The following TMPRSS2 variants were observed in gnomAD, a reference collection of about 807,000 sequenced individuals.
TMPRSS2 encodes the protein transmembrane protease serine 2.
TMPRSS2 carries 59 observed loss-of-function variants against 67.4 expected under a neutral mutation model. That is an observed-to-expected ratio of 0.88 (90% CI 0.71 to 1.09). The LOEUF is 1.09. TMPRSS2 is among the 50% of genes least tolerant of loss of function. The probability of loss-of-function intolerance (pLI) is 0.00; values close to 1 mark genes in which losing one functional copy is unlikely to be tolerated. For synonymous variants in TMPRSS2, 257 were observed against 257.0 expected (o/e 1.00, Z 0.00); for missense variants, 668 against 642.7 (o/e 1.04, Z -0.43).
At chr21:41,475,836 C>T (rs374510753) in intron 8 of TMPRSS2, among the ~76,000 whole-genome samples, 3 of 151,830 alleles carry the variant, frequency 2.0e-5, no homozygotes, top group South Asian at 2.1e-4. Context: ...GAGGGCAGGG[C>T]GGGTGCCACG....
chr21:41,467,964 G>A, intron 12 of TMPRSS2, 78 bp from the exon 13 acceptor site: 2 of 1,551,306 alleles, frequency 1.3e-6, no homozygotes, highest in East Asian at 2.2e-5. Context: ...GCCTAGAGGA[G>A]TTGGGGGGCG....
In TMPRSS2 at chr21:41,494,384, T is replaced by A. The variant is rs750018817; in HGVS notation, c.210A>T (p.Lys70Asn). 1 of 1,609,690 alleles carries A rather than the reference T, an allele frequency of 6.2e-7. No individual in the cohort carries two copies. Among genetic ancestry groups the A allele is most frequent in the South Asian group, 1.1e-5 (1 of 90,198 alleles). Reference sequence around the variant, plus strand: ...AGGTGCACACTGTCCCGGATGGGGATTTGGGCTGCGTGCAGACGACGGGGT... The same window carrying A: ...AGGTGCACACTGTCCCGGATGGGGAATTGGGCTGCGTGCAGACGACGGGGT... ...ASNPVVCTQP[K>N]SPSGTVCTSK... The change falls in exon 3 of 14, where the codon AAA (lysine) becomes AAT (asparagine). Residue 70 changes from lysine to asparagine, a missense_variant. Physicochemically the swap from Lys to Asn is moderately conservative, Grantham distance 94. Coordinates refer to ENST00000332149, the MANE Select transcript of TMPRSS2 (RefSeq NM_005656.4).
rs2070787 is a variant in TMPRSS2 at position 41,470,202 on chromosome 21, T to C, written c.1171+446A>G. On this transcript the variant is annotated intron_variant, in intron 11 of 13. Transcript: ENST00000332149. ...AGAGAAATGCAGATTGCAAAGGAAG[T>C]GGGTGGAGAGAGCCTCTCTCTGTGG... is the stretch of plus-strand genomic sequence containing the variant. Among the ~76,000 whole-genome samples, 7 of 151,890 alleles carry C rather than the reference T, an allele frequency of 4.6e-5. No homozygotes were observed. The East Asian group carries it at 9.7e-4, about 21-fold the overall frequency.
chr21:41,504,034 C>T (rs2091440910), intron 1 of TMPRSS2, among the ~76,000 whole-genome samples: 1 of 152,212 alleles, frequency 6.6e-6, no homozygotes, highest in Non-Finnish European at 1.5e-5. Context: ...TTGTGCACCT[C>T]GTACAAACAA....
chr21:41,487,459 G>C (rs1054302456), intron 5 of TMPRSS2: 3 of 152,202 alleles, frequency 2.0e-5, no homozygotes, highest in Non-Finnish European at 2.9e-5. Context: ...GAATAAGTTC[G>C]AGCAATCTAT....
chr21:41,485,081 C>CGTGTGT (rs10668560), intron 5 of TMPRSS2, among the ~76,000 whole-genome samples: 1,731 of 140,344 alleles, frequency 0.012, 24 homozygotes, highest in Non-Finnish European at 0.02. Flanking sequence ...GGGAGTGATG[C>CGTGTGT]GTGTGTGTGT....
intron 1 of TMPRSS2, among the ~76,000 whole-genome samples, chr21:41,507,256 C>T (rs1251014225): frequency 6.6e-6 from 1 of 152,174 alleles, no homozygotes; most frequent in African/African-American, 2.4e-5. Flanking sequence ...CTGTGCCGAG[C>T]CGGGCAGGAC....
In TMPRSS2 at chr21:41,486,027, T is replaced by G. The variant is rs144052153; in HGVS notation, c.445+2367A>C. Among the ~76,000 whole-genome samples, 39 of 152,310 alleles carry G rather than the reference T, an allele frequency of 2.6e-4. No homozygotes were observed. In the East Asian group the frequency reaches 2.7e-3, roughly 11 times the overall value. Reference sequence around the variant, plus strand: ...GGATTACTTTGGCATGGAAAAATCTTTGGCTAGAATTCTCGGCCAGCTCTG... The same window carrying G: ...GGATTACTTTGGCATGGAAAAATCTGTGGCTAGAATTCTCGGCCAGCTCTG... On this transcript the variant is annotated intron_variant, in intron 5 of 13. Transcript: ENST00000332149.
At chr21:41,483,154 A>G (rs191353873) in intron 5 of TMPRSS2, among the ~76,000 whole-genome samples, 4 of 152,296 alleles carry the variant, frequency 2.6e-5, no homozygotes, top group Admixed American at 2.0e-4. Flanking sequence ...CTGATGTGGG[A>G]TGTTCATAAC....
chr21:41,473,747 G>C (rs1225994260), intron 8 of TMPRSS2, among the ~76,000 whole-genome samples: 1 of 151,362 alleles, frequency 6.6e-6, no homozygotes, highest in Non-Finnish European at 1.5e-5. Context: ...CGGGACCCAG[G>C]TGGGGGTGTT....
chr21:41,469,862 C>T (rs999734480), intron 11 of TMPRSS2, among the ~76,000 whole-genome samples: 4 of 152,156 alleles, frequency 2.6e-5, no homozygotes, highest in Admixed American at 6.5e-5. Flanking sequence ...GGTGCAGGTG[C>T]GCACAAATAT....
At chr21:41,504,504 T>G (rs2091444531) in intron 1 of TMPRSS2, among the ~76,000 whole-genome samples, 1 of 152,162 alleles carries the variant, frequency 6.6e-6, no homozygotes. Context: ...CTCATTCAGT[T>G]CCTCTCTCCT....
At chr21:41,476,540 T>C in intron 8 of TMPRSS2, 37 bp downstream of exon 8, 1 of 1,601,232 alleles carries the variant, frequency 6.2e-7, no homozygotes, top group Non-Finnish European at 8.6e-7. Flanking sequence ...CTTTTCCTAG[T>C]TAGAAGTATC....
chr21:41,496,219 A>G (rs1255657351), intron 2 of TMPRSS2, among the ~76,000 whole-genome samples: 1 of 152,258 alleles, frequency 6.6e-6, no homozygotes, highest in South Asian at 2.1e-4. Flanking sequence ...ATGAATTAAT[A>G]CAAACATTTT....
At chr21:41,488,308 G>T in intron 5 of TMPRSS2, 86 bp downstream of exon 5, 3 of 1,508,290 alleles carry the variant, frequency 2.0e-6, no homozygotes, top group Non-Finnish European at 2.7e-6. Context: ...ACGCACGCCA[G>T]GCCCAGTCAC....
chr21:41,494,310 G>A (rs760130899), intron 3 of TMPRSS2, 46 bp downstream of exon 3: 49 of 1,601,732 alleles, frequency 3.1e-5, no homozygotes, highest in South Asian at 7.8e-5. Context: ...AGGTAGACCC[G>A]GGACCCCGGG....
At chr21:41,483,057 A>G (rs562574628) in intron 5 of TMPRSS2, among the ~76,000 whole-genome samples, 1 of 152,280 alleles carries the variant, frequency 6.6e-6, no homozygotes, top group South Asian at 2.1e-4. Context: ...AATCCCACAG[A>G]ACTGTACAAG....
intron 8 of TMPRSS2, 23 bp from the exon 9 acceptor site, chr21:41,473,519 C>A: frequency 6.3e-7 from 1 of 1,594,462 alleles, no homozygotes; most frequent in Non-Finnish European, 8.5e-7. Flanking sequence ...AACAGGAGGC[C>A]AGTGGGGTGA....
Position 41,468,530 on chromosome 21 carries a change from A to T in TMPRSS2, c.1180T>A (p.Ser394Thr). The T allele has an allele frequency of 6.2e-7, 1 of 1,614,046 alleles. No individual in the cohort carries two copies. Among genetic ancestry groups the T allele is most frequent in the Non-Finnish European group, 8.5e-7 (1 of 1,180,014 alleles). The change falls in exon 12 of 14, where the codon TCA (serine) becomes ACA (threonine). Residue 394 changes from serine to threonine, a missense_variant. Ser to Thr is a moderately conservative substitution (Grantham distance 58, BLOSUM62 1). Coordinates refer to ENST00000332149, the MANE Select transcript of TMPRSS2 (RefSeq NM_005656.4). ...ACCTTGGCAGCGTTCAGCACTTCTG[A>T]GGTCTTCCCTAAGGACAGGGAGACT... is the stretch of plus-strand genomic sequence containing the variant. ...WGATEEKGKT[S>T]EVLNAAKVLL...
Sources: allele counts gnomAD v4.1 joint callset (sites outside exome capture counted in the v4.1 genomes callset), GRCh38; gene constraint gnomAD v4.1.1; transcripts MANE v1.5; gene names NCBI Gene and HGNC (gene_info 2026-07-23, HGNC 2026-07-21).